The following GMEB2 variants were observed in gnomAD, a reference collection of about 807,000 sequenced individuals.
GMEB2 encodes glucocorticoid modulatory element-binding protein 2.
GMEB2 carries 7 observed loss-of-function variants against 45.7 expected under a neutral mutation model. The observed-to-expected ratio is 0.15, with a 90% CI of 0.09 to 0.29. The LOEUF (loss-of-function observed/expected upper bound fraction) is 0.29, where lower values mean the gene tolerates loss of function less well. Ranked by LOEUF, GMEB2 falls within the 10% of genes least tolerant of loss-of-function variation. The probability of loss-of-function intolerance (pLI) is 1.00; values close to 1 mark genes in which losing one functional copy is unlikely to be tolerated. For missense variants in GMEB2, 582 were observed against 739.2 expected (o/e 0.79, Z 2.47); for synonymous variants, 322 against 323.6 (o/e 1.00, Z 0.05).
rs568830483 is a variant in GMEB2, at chr20:63,592,460, G to A, written c.829+73C>T. ...AGCACAGAAGGGCCTAGGGGCAGGA[G>A]GGCCAGTGGCCTCACCTCCTGCAGA... is the stretch of plus-strand genomic sequence containing the variant. On this transcript the variant is annotated intron_variant, in intron 8 of 9. Coordinates refer to ENST00000370077, the MANE Select transcript of GMEB2 (RefSeq NM_012384.5). This position sits in a 1 kb window ranked among gnomAD's most constrained non-coding sequence, Gnocchi z 8.2. 4.8e-4 allele frequency: 567 copies of A among 1,190,852 alleles called. 4 individuals carry two copies. Among genetic ancestry groups the A allele is most frequent in the South Asian group, 4.0e-3 (304 of 75,532 alleles). 73.8% of individuals were successfully genotyped at this position (1,190,852 alleles called of 1,614,324 possible). A position where few individuals can be genotyped will look rare whatever the true frequency, so the allele number is the denominator to read the frequency against.
rs1040976833 is a variant in GMEB2, at chr20:63,589,071, C to T, written c.*1018G>A. The T allele has an allele frequency of 2.5e-6, 1 of 399,110 alleles. No homozygotes were observed. Among genetic ancestry groups the T allele is most frequent in the African/African-American group, 2.1e-5 (1 of 48,638 alleles). The allele number at this position is 399,110 out of a possible 1,614,324, so 24.7% of individuals were successfully genotyped here. ...GCATGGGGGCCGGGGGCCAGGGAGC[C>T]AAGGGCTGTTCCGTGGCCAAGCAGC... On this transcript the variant is annotated 3_prime_UTR_variant, in exon 10 of 10. Transcript: ENST00000370077.
intron 6 of GMEB2, among the ~76,000 whole-genome samples, chr20:63,594,838 T>C (rs1396265034): frequency 6.6e-6 from 1 of 152,176 alleles, no homozygotes; most frequent in Non-Finnish European, 1.5e-5. Context: ...AACCTCCGCC[T>C]CCTGGGTTCA....
chr20:63,600,058 T>C (rs186631910), intron 4 of GMEB2, among the ~76,000 whole-genome samples: 290 of 152,220 alleles, frequency 1.9e-3, no homozygotes, highest in Middle Eastern at 6.8e-3. Context: ...ATTTTTTTTT[T>C]TGAGATGGAG....
chr20:63,590,521 G>A lies in GMEB2; in HGVS notation c.1161C>T (p.Gly387=), dbSNP rs1363403626. The A allele has an allele frequency of 4.0e-6, 6 of 1,515,194 alleles. No homozygotes were observed. The highest frequency in any genetic ancestry group is 2.2e-5 in the Admixed American group (1 of 45,546). The allele number at this position is 1,515,194 out of a possible 1,614,324, so 93.9% of individuals were successfully genotyped here. ...CGCTGGTCAGCTGGGGGACGGGCACGCCCGGGCCAAGCGCCAGCTGGGCAG... is the reference window on the plus strand; with the variant it reads ...CGCTGGTCAGCTGGGGGACGGGCACACCCGGGCCAAGCGCCAGCTGGGCAG... ...TQSAQLALGP[G]VPVPQLTSVP... Residue 387 remains glycine (G), a synonymous_variant, in exon 10 of 10, where the codon GGC becomes GGT. Coordinates refer to ENST00000370077, the MANE Select transcript of GMEB2 (RefSeq NM_012384.5).
chr20:63,606,348 AT>A (rs34155777), intron 2 of GMEB2, among the ~76,000 whole-genome samples: 88 of 139,622 alleles, frequency 6.3e-4, no homozygotes, highest in East Asian at 1.3e-3. Context: ...ACCACAAACA[AT>A]TTTTTTTTTT....
rs556163978 is a variant in GMEB2 at position 63,593,840 on chromosome 20, G to A, written c.620-758C>T. On this transcript the variant is annotated intron_variant, in intron 6 of 9. Coordinates refer to ENST00000370077, the MANE Select transcript of GMEB2 (RefSeq NM_012384.5). This position sits in a 1 kb window ranked among gnomAD's most constrained non-coding sequence, Gnocchi z 4.7. ...AGTTCGAGAACAGCCTGGGCAACAC[G>A]GCAAAACCCCGTCTCTACTAAAATA... Among the ~76,000 whole-genome samples the A allele has an allele frequency of 1.3e-3, 197 of 152,300 alleles. No homozygotes were observed. Among genetic ancestry groups the A allele is most frequent in the Non-Finnish European group, 1.5e-3 (104 of 68,028 alleles).
chr20:63,604,967 G>A (rs941052973), intron 2 of GMEB2, 127 bp from the exon 3 acceptor site: 3 of 658,328 alleles, frequency 4.6e-6, no homozygotes, highest in Admixed American at 2.1e-5. Flanking sequence ...AAATGGCAGA[G>A]GGGCCGGGTG....
chr20:63,625,140 C>A (rs2089662271), intron 1 of GMEB2, among the ~76,000 whole-genome samples: 1 of 152,168 alleles, frequency 6.6e-6, no homozygotes, highest in Non-Finnish European at 1.5e-5. Context: ...GCCCTATTGC[C>A]TTCCCAAGGG....
intron 1 of GMEB2, among the ~76,000 whole-genome samples, chr20:63,625,633 C>T (rs952077597): frequency 7.4e-5 from 11 of 148,986 alleles, no homozygotes; most frequent in Non-Finnish European, 1.3e-4. Context: ...AATCTTGCTC[C>T]GTCACCCAGG....
At position 63,589,529 on chromosome 20, in the gene GMEB2, C is replaced by A. The variant is rs1214423234; in HGVS notation, c.*560G>T. The A allele has an allele frequency of 4.2e-6, 1 of 240,646 alleles. No homozygotes were observed. The highest frequency in any genetic ancestry group is 7.9e-6 in the Non-Finnish European group (1 of 126,246). The allele number at this position is 240,646 out of a possible 1,614,324, so 14.9% of individuals were successfully genotyped here. On this transcript the variant is annotated 3_prime_UTR_variant, in exon 10 of 10. Coordinates refer to ENST00000370077, the MANE Select transcript of GMEB2 (RefSeq NM_012384.5). The stretch of plus-strand genomic sequence containing the variant: ...CCAAGCTCCGGGTGCATGTTCCCAA[C>A]TGGAGGAGAACGGGGCGCCAGCCAC...
chr20:63,620,166 T>TG (rs1244282559), intron 1 of GMEB2, among the ~76,000 whole-genome samples: 2 of 152,240 alleles, frequency 1.3e-5, no homozygotes, highest in Non-Finnish European at 2.9e-5. Context: ...CCCAAAGTGC[T>TG]GGGATTGCAG....
At chr20:63,612,484 G>A (rs1390250217) in intron 2 of GMEB2, among the ~76,000 whole-genome samples, 10 of 152,322 alleles carry the variant, frequency 6.6e-5, no homozygotes, top group African/African-American at 2.2e-4. Context: ...AGCTGGGAAG[G>A]CCCAGGAAAA....
chr20:63,621,107 G>A (rs2089639938), intron 1 of GMEB2, among the ~76,000 whole-genome samples: 1 of 152,226 alleles, frequency 6.6e-6, no homozygotes, highest in African/African-American at 2.4e-5. Flanking sequence ...CGGGGCTGGA[G>A]GATCGTTTGA....
chr20:63,621,217 G>C (rs967864868), intron 1 of GMEB2, among the ~76,000 whole-genome samples: 1 of 151,972 alleles, frequency 6.6e-6, no homozygotes, highest in African/African-American at 2.4e-5. Context: ...AAGAAAGAAA[G>C]TAGAACAGAA....
intron 4 of GMEB2, 102 bp downstream of exon 4, chr20:63,602,862 TG>T: frequency 9.6e-7 from 1 of 1,039,350 alleles, no homozygotes; most frequent in Non-Finnish European, 1.4e-6. Flanking sequence ...TCCCCAGCCC[TG>T]GAGACCCTGC....
chr20:63,602,022 G>A (rs1012255523), intron 4 of GMEB2, among the ~76,000 whole-genome samples: 1 of 151,752 alleles, frequency 6.6e-6, no homozygotes, highest in Non-Finnish European at 1.5e-5. Flanking sequence ...GCTTCTGTGG[G>A]GCCTGTGGCT....
chr20:63,595,932 G>A (rs749111147), intron 5 of GMEB2, among the ~76,000 whole-genome samples, 165 bp from the exon 6 acceptor site: 4 of 152,244 alleles, frequency 2.6e-5, no homozygotes, highest in South Asian at 2.1e-4. Context: ...GCGCGAGCTC[G>A]GCGTGCAGGA....
chr20:63,613,980 A>C (rs2777943), intron 2 of GMEB2, among the ~76,000 whole-genome samples: 2,012 of 152,220 alleles, frequency 0.013, 24 homozygotes, highest in Non-Finnish European at 0.021. Flanking sequence ...AGTGCAGAGC[A>C]GGGCAGGGTA....
At position 63,592,200 on chromosome 20, in the gene GMEB2, G is replaced by A. The variant is rs1179348729; in HGVS notation, c.830-56C>T. The stretch of plus-strand genomic sequence containing the variant: ...GCCCAAGCCCTTCCTAGAGAGCCAC[G>A]CGGACGCTCGGTGAGAGCCCGGGAC... On this transcript the variant is annotated intron_variant, in intron 8 of 9. Coordinates refer to ENST00000370077, the MANE Select transcript of GMEB2 (RefSeq NM_012384.5). The surrounding 1 kb of genome is among the most constrained non-coding windows in gnomAD (Gnocchi z 8.2). 37 of 1,560,550 alleles carry A rather than the reference G, an allele frequency of 2.4e-5. No homozygotes were observed. The highest frequency in any genetic ancestry group is 9.1e-5 in the East Asian group (4 of 44,104).
Sources: gnomAD v4.1 joint callset for allele counts (sites outside exome capture counted in the v4.1 genomes callset) on GRCh38, gnomAD v4.1.1 for gene constraint, Gnocchi (gnomAD v3.1) non-coding constraint, MANE v1.5 for transcripts, NCBI Gene and HGNC (gene_info 2026-07-23, HGNC 2026-07-21) for gene names.